Variants in SLC22A23 observed in about 807,000 individuals in gnomAD.
The protein encoded by SLC22A23 is solute carrier family 22 member 23.
A neutral mutation model predicts 61.0 loss-of-function variants in SLC22A23; 26 were observed. That is an observed-to-expected ratio of 0.43 (90% CI 0.31 to 0.59). SLC22A23 has a LOEUF of 0.59. SLC22A23 is among the 20% of genes least tolerant of loss of function. The pLI is 0.11. For synonymous variants in SLC22A23, 430 were observed against 413.9 expected, an observed-to-expected ratio of 1.04 and a Z score of -0.47; for missense variants, 796 against 934.7, an observed-to-expected ratio of 0.85 and a Z score of 1.94.
intron 4 of SLC22A23, among the ~76,000 whole-genome samples, chr6:3,306,424 T>C (rs1761979823): frequency 6.6e-6 from 1 of 152,232 alleles, no homozygotes; most frequent in Admixed American, 6.5e-5. Flanking sequence ...AACAGGAAGT[T>C]TCTAAAGCTG....
intron 4 of SLC22A23, among the ~76,000 whole-genome samples, chr6:3,316,488 C>A (rs1042590784): frequency 1.3e-5 from 2 of 152,214 alleles, no homozygotes; most frequent in African/African-American, 4.8e-5. Flanking sequence ...CTTTGCCCCA[C>A]CGTTCCATGA....
intron 5 of SLC22A23, chr6:3,290,483 T>A (rs1362827097): frequency 6.5e-6 from 1 of 154,910 alleles, no homozygotes; most frequent in East Asian, 1.9e-4. Flanking sequence ...CACACATTCA[T>A]ACGCATGCAT....
In SLC22A23 at chr6:3,309,628, A is replaced by ACCTGACCATAATAAGGACT. The variant is rs1227153014; in HGVS notation, c.1083-11411_1083-11410insAGTCCTTATTATGGTCAGG. Among the ~76,000 whole-genome samples the ACCTGACCATAATAAGGACT allele has an allele frequency of 6.6e-6, 1 of 152,192 alleles. No individual in the cohort carries two copies. Among genetic ancestry groups the ACCTGACCATAATAAGGACT allele is most frequent in the African/African-American group, 2.4e-5 (1 of 41,440 alleles). On this transcript the variant is annotated intron_variant, in intron 4 of 9. Transcript: ENST00000406686. The surrounding 1 kb of genome is among the most constrained non-coding windows in gnomAD (Gnocchi z 4.7). ...GACTGTGGGCTGACGAGCAGGTGGCAGGAGGCAGCGGGCCAGCTGCACACA... is the reference window on the plus strand; with the variant it reads ...GACTGTGGGCTGACGAGCAGGTGGCACCTGACCATAATAAGGACTGGAGGCAGCGGGCCAGCTGCACACA...
intron 3 of SLC22A23, among the ~76,000 whole-genome samples, chr6:3,364,279 G>A (rs1470123345): frequency 6.6e-6 from 1 of 152,018 alleles, no homozygotes; most frequent in East Asian, 1.9e-4. Flanking sequence ...CGATTTTCAC[G>A]GCAACTAGGT....
chr6:3,337,285 G>A (rs1331044112), intron 3 of SLC22A23, among the ~76,000 whole-genome samples: 1 of 152,190 alleles, frequency 6.6e-6, no homozygotes, highest in African/African-American at 2.4e-5. Context: ...GTTGCACTCA[G>A]TGACTATGTG....
rs1164523901 is a variant in SLC22A23, at chr6:3,454,676, A to T, written c.654+1230T>A. 6.6e-6 allele frequency among the ~76,000 whole-genome samples: 1 copy of T among 152,198 alleles called. No individual in the cohort carries two copies. The highest frequency in any genetic ancestry group is 1.5e-5 in the Non-Finnish European group (1 of 68,044). On this transcript the variant is annotated intron_variant, in intron 1 of 9. Transcript: ENST00000406686. This position sits in a 1 kb window ranked among gnomAD's most constrained non-coding sequence, Gnocchi z 4.3. Reference sequence around the variant, plus strand: ...GATCAAGGTGAACCCAGCTAGAAGGACCTTCCCCATTACCTTGCAGGGCAG... The same window carrying T: ...GATCAAGGTGAACCCAGCTAGAAGGTCCTTCCCCATTACCTTGCAGGGCAG...
At position 3,317,893 on chromosome 6, in the gene SLC22A23, G is replaced by A. The variant is rs1200134649; in HGVS notation, c.1082+5941C>T. On this transcript the variant is annotated intron_variant, in intron 4 of 9. Transcript: ENST00000406686. This position sits in a 1 kb window ranked among gnomAD's most constrained non-coding sequence, Gnocchi z 4.4. ...CTCTTCCTTCACCTAAAGCCCAGCCGATCCTGCCATGGCCCAGAAGGCTCA... is the reference window on the plus strand; with the variant it reads ...CTCTTCCTTCACCTAAAGCCCAGCCAATCCTGCCATGGCCCAGAAGGCTCA... Among the ~76,000 whole-genome samples the A allele has an allele frequency of 2.6e-5, 4 of 152,238 alleles. No homozygotes were observed. Among genetic ancestry groups the A allele is most frequent in the East Asian group, 1.9e-4 (1 of 5,182 alleles).
intron 1 of SLC22A23, among the ~76,000 whole-genome samples, chr6:3,418,007 G>C (rs1465151767): frequency 1.3e-5 from 2 of 152,234 alleles, no homozygotes. Flanking sequence ...CAGGAATACA[G>C]GTTTTGCCTT....
intron 7 of SLC22A23, among the ~76,000 whole-genome samples, chr6:3,285,818 G>A (rs1392849612): frequency 6.6e-6 from 1 of 152,206 alleles, no homozygotes; most frequent in African/African-American, 2.4e-5. Flanking sequence ...TGGGTGCGGT[G>A]GACAGCCCTG....
At chr6:3,299,604 T>C (rs1222011374) in intron 4 of SLC22A23, among the ~76,000 whole-genome samples, 1 of 152,224 alleles carries the variant, frequency 6.6e-6, no homozygotes. Flanking sequence ...TATGACAATA[T>C]TTACAAGCTG....
chr6:3,409,894 A>G (rs1769095802), intron 3 of SLC22A23, among the ~76,000 whole-genome samples: 1 of 152,090 alleles, frequency 6.6e-6, no homozygotes, highest in South Asian at 2.1e-4. Context: ...TCTGAAGAAA[A>G]CCGAAAGCCT....
intron 1 of SLC22A23, among the ~76,000 whole-genome samples, chr6:3,420,278 T>C (rs1383969928): frequency 1.3e-5 from 2 of 149,766 alleles, no homozygotes; most frequent in African/African-American, 2.4e-5. Flanking sequence ...AGAACCTATA[T>C]AGTTTAAGGA....
At chr6:3,365,177 C>G (rs61444050) in intron 3 of SLC22A23, among the ~76,000 whole-genome samples, 2 of 152,100 alleles carry the variant, frequency 1.3e-5, no homozygotes, top group African/African-American at 4.8e-5. Flanking sequence ...AAAAATTTAG[C>G]TGGGCATGGT....
chr6:3,287,589 A>C (rs954174221), intron 6 of SLC22A23, among the ~76,000 whole-genome samples: 5 of 151,920 alleles, frequency 3.3e-5, no homozygotes, highest in Admixed American at 6.6e-5. Flanking sequence ...AGATCTATCC[A>C]TACCAGCCTC....
intron 1 of SLC22A23, among the ~76,000 whole-genome samples, chr6:3,430,418 C>T (rs758839192): frequency 2.6e-5 from 4 of 152,184 alleles, no homozygotes; most frequent in African/African-American, 7.2e-5. Context: ...CAAGCTCTTA[C>T]GTCCTGGCCT....
intron 1 of SLC22A23, among the ~76,000 whole-genome samples, chr6:3,434,261 T>C (rs2031895): frequency 0.31 from 46,360 of 151,532 alleles, 8,179 homozygotes; most frequent in East Asian, 0.48. Context: ...TGCAGTGAGC[T>C]GAGATCACGC....
chr6:3,316,735 T>A (rs552774823), intron 4 of SLC22A23, among the ~76,000 whole-genome samples: 84 of 152,300 alleles, frequency 5.5e-4, no homozygotes, highest in African/African-American at 2.0e-3. Flanking sequence ...ACTCCTGAGC[T>A]CAAGTGATCC....
rs938423486 is a variant in SLC22A23 at position 3,308,354 on chromosome 6, G to A, written c.1083-10136C>T. On this transcript the variant is annotated intron_variant, in intron 4 of 9. Transcript: ENST00000406686. This position sits in a 1 kb window ranked among gnomAD's most constrained non-coding sequence, Gnocchi z 5.1. ...CAAATCGTATTCAGGGCGCTGACACGCACCTGCATCTCCAGGTGCCGCCTC... is the reference window on the plus strand; with the variant it reads ...CAAATCGTATTCAGGGCGCTGACACACACCTGCATCTCCAGGTGCCGCCTC... Among the ~76,000 whole-genome samples, 9 of 152,050 alleles carry A rather than the reference G, an allele frequency of 5.9e-5. No homozygotes were observed. Among genetic ancestry groups the A allele is most frequent in the Admixed American group, 4.6e-4 (7 of 15,264 alleles).
intron 3 of SLC22A23, among the ~76,000 whole-genome samples, chr6:3,352,306 C>T (rs1181235046): frequency 6.6e-6 from 1 of 151,624 alleles, no homozygotes; most frequent in South Asian, 2.1e-4. Context: ...TAGACACTTA[C>T]AAGCATGCAC....
Sources: gnomAD v4.1 joint callset for allele counts (sites outside exome capture counted in the v4.1 genomes callset) on GRCh38, gnomAD v4.1.1 for gene constraint, Gnocchi (gnomAD v3.1) non-coding constraint, MANE v1.5 for transcripts, NCBI Gene and HGNC (gene_info 2026-07-23, HGNC 2026-07-21) for gene names.